The following ARL8B variants were observed in gnomAD, a reference collection of about 807,000 sequenced individuals.
ARL8B encodes the protein ADP-ribosylation factor-like protein 8B.
ARL8B carries 9 observed loss-of-function variants against 30.6 expected under a neutral mutation model. The observed-to-expected ratio is 0.29, with a 90% confidence interval of 0.18 to 0.51. The LOEUF is 0.51. Among genes scored for constraint, ARL8B ranks in the 20% least tolerant of loss-of-function variants. ARL8B has a pLI of 0.97. For synonymous variants in ARL8B, 74 were observed against 76.0 expected (o/e 0.97, Z 0.14); for missense variants, 130 against 227.2 (o/e 0.57, Z 2.75).
intron 1 of ARL8B, among the ~76,000 whole-genome samples, chr3:5,160,303 C>G (rs573876783): frequency 6.6e-6 from 1 of 152,286 alleles, no homozygotes; most frequent in South Asian, 2.1e-4. Context: ...AAGGGATACT[C>G]ACTAGCAAAC....
At chr3:5,150,708 G>T (rs990570112) in intron 1 of ARL8B, among the ~76,000 whole-genome samples, 1 of 151,896 alleles carries the variant, frequency 6.6e-6, no homozygotes, top group African/African-American at 2.4e-5. Context: ...ACTTGAACCC[G>T]GGAGGGGAAG....
chr3:5,172,631 A>T lies in ARL8B; in HGVS notation c.279-16A>T, dbSNP rs1300124226. The T allele has an allele frequency of 6.4e-7, 1 of 1,567,268 alleles. No homozygotes were observed. Among genetic ancestry groups the T allele is most frequent in the Admixed American group, 1.7e-5 (1 of 59,514 alleles). The stretch of plus-strand genomic sequence containing the variant: ...CATACAGAGAAGGTATGTTGAGATC[A>T]CTTCATTTTTTTAAGTTACATGATA... On this transcript the variant is annotated splice_polypyrimidine_tract_variant and intron_variant, in intron 3 of 6. Transcript: ENST00000256496.
intron 1 of ARL8B, among the ~76,000 whole-genome samples, chr3:5,168,035 T>C (rs1164155227): frequency 6.6e-6 from 1 of 152,194 alleles, no homozygotes; most frequent in African/African-American, 2.4e-5. Context: ...GCAGAAGAGT[T>C]CCAGCATTTT....
rs1468386681 is a variant in ARL8B, at chr3:5,163,216, A to AC, written c.124-7285dup. 7.2e-5 allele frequency among the ~76,000 whole-genome samples: 11 copies of AC among 151,842 alleles called. No homozygotes were observed. The East Asian group carries it at 9.7e-4, about 13-fold the overall frequency. ...TGGCCAGGCTGGTCTCGAACTCTTG[A>AC]CCTCAGGTGATCCGCCCGCCTCAGC... On this transcript the variant is annotated intron_variant, in intron 1 of 6. Coordinates refer to ENST00000256496, the MANE Select transcript of ARL8B (RefSeq NM_018184.3).
At chr3:5,149,033 TC>T (rs1159852199) in intron 1 of ARL8B, among the ~76,000 whole-genome samples, 1 of 152,230 alleles carries the variant, frequency 6.6e-6, no homozygotes, top group Non-Finnish European at 1.5e-5. Flanking sequence ...CATCGGTTTG[TC>T]CGTCTCTGGC....
chr3:5,154,737 GTC>G (rs2054517332), intron 1 of ARL8B, among the ~76,000 whole-genome samples: 1 of 151,840 alleles, frequency 6.6e-6, no homozygotes, highest in Admixed American at 6.6e-5. Context: ...TCTATGATTA[GTC>G]TTGCTCTGTT....
intron 1 of ARL8B, among the ~76,000 whole-genome samples, chr3:5,141,862 C>A (rs1443363260): frequency 6.6e-6 from 1 of 152,114 alleles, no homozygotes; most frequent in Non-Finnish European, 1.5e-5. Context: ...ATTGATGAAT[C>A]TTTGTTGATT....
In ARL8B at chr3:5,172,130, T is replaced by TGA. The variant is rs767398685; in HGVS notation, c.205-19_205-18insAG. ...TAATTAAAATATCTTTATTAAGAATTGCCTTGTTTTGATTTAAAGATCTGG... is the reference window on the plus strand; with the variant it reads ...TAATTAAAATATCTTTATTAAGAATTGAGCCTTGTTTTGATTTAAAGATCTGG... On this transcript the variant is annotated intron_variant, in intron 2 of 6. Transcript: ENST00000256496. 4 of 1,598,938 alleles carry TGA rather than the reference T, an allele frequency of 2.5e-6. No homozygotes were observed. The African/African-American group carries it at 5.4e-5, about 21-fold the overall frequency.
chr3:5,159,930 A>G (rs13093192), intron 1 of ARL8B, among the ~76,000 whole-genome samples: 63,067 of 151,914 alleles, frequency 0.42, 14,562 homozygotes, highest in African/African-American at 0.64. Flanking sequence ...TAGAAACGCA[A>G]ACATTCAAAA....
intron 3 of ARL8B, 23 bp downstream of exon 3, chr3:5,172,246 T>C: frequency 6.3e-7 from 1 of 1,597,470 alleles, no homozygotes; most frequent in Non-Finnish European, 8.5e-7. Context: ...TTTTTGTTTG[T>C]TTGCTTTTAA....
intron 1 of ARL8B, among the ~76,000 whole-genome samples, chr3:5,169,134 G>A (rs1231898045): frequency 6.6e-6 from 1 of 152,048 alleles, no homozygotes; most frequent in East Asian, 1.9e-4. Flanking sequence ...ATTTTTAAGT[G>A]TGCAATTCAG....
chr3:5,162,195 A>C (rs1415041671), intron 1 of ARL8B, among the ~76,000 whole-genome samples: 1 of 152,244 alleles, frequency 6.6e-6, no homozygotes, highest in Non-Finnish European at 1.5e-5. Context: ...AGAGTTCATA[A>C]ATGCATAGTA....
intron 1 of ARL8B, among the ~76,000 whole-genome samples, chr3:5,167,346 A>G (rs2054632971): frequency 6.6e-6 from 1 of 152,198 alleles, no homozygotes; most frequent in African/African-American, 2.4e-5. Flanking sequence ...GTTACCTATG[A>G]TCAACCTCTG....
chr3:5,153,647 C>G (rs139983869), intron 1 of ARL8B, among the ~76,000 whole-genome samples: 2 of 148,128 alleles, frequency 1.4e-5, no homozygotes, highest in South Asian at 2.1e-4. Flanking sequence ...AAATTTTTTC[C>G]TTTCAGCCAT....
intron 1 of ARL8B, among the ~76,000 whole-genome samples, chr3:5,150,508 C>T (rs1047719755): frequency 2.5e-5 from 3 of 120,324 alleles, no homozygotes; most frequent in African/African-American, 1.1e-4. Flanking sequence ...TGGAGCCAGG[C>T]ATGGTGGCTC....
intron 1 of ARL8B, among the ~76,000 whole-genome samples, chr3:5,127,872 CAAAAAAAAAAAA>C (rs748657502): frequency 0.028 from 292 of 10,574 alleles, 1 homozygote; most frequent in Non-Finnish European, 0.038. Flanking sequence ...GACTCCGTCT[CAAAAAAAAAAAA>C]AAAAAAAAAA....
chr3:5,173,084 G>A (rs138912230), intron 4 of ARL8B, among the ~76,000 whole-genome samples: 75 of 152,318 alleles, frequency 4.9e-4, no homozygotes, highest in African/African-American at 1.5e-3. Flanking sequence ...AGCTTTAAGT[G>A]CTAGGAAGAA....
chr3:5,162,987 C>CTTT (rs58230539), intron 1 of ARL8B, among the ~76,000 whole-genome samples: 37,449 of 125,504 alleles, frequency 0.3, 6,836 homozygotes, highest in African/African-American at 0.48. Flanking sequence ...TTAGCTCCCA[C>CTTT]TTTTTTTTTT....
At chr3:5,172,351 T>C in intron 3 of ARL8B, 128 bp downstream of exon 3, 2 of 805,768 alleles carry the variant, frequency 2.5e-6, no homozygotes, top group Non-Finnish European at 4.1e-6. Context: ...GCTAATATCC[T>C]AGTGTAATTC....
Sources: allele counts gnomAD v4.1 joint callset (sites outside exome capture counted in the v4.1 genomes callset), GRCh38; gene constraint gnomAD v4.1.1; transcripts MANE v1.5; gene names NCBI Gene and HGNC (gene_info 2026-07-23, HGNC 2026-07-21).